The following TAB2 variants were observed in gnomAD, a reference collection of about 807,000 sequenced individuals.
TAB2 encodes TGF-beta-activated kinase 1 and MAP3K7-binding protein 2.
Under a neutral mutation model 65.0 loss-of-function variants are expected in TAB2, and 3 were observed. That is an observed-to-expected ratio of 0.05 (90% CI 0.02 to 0.12). The LOEUF (loss-of-function observed/expected upper bound fraction) is 0.12. TAB2 is among the 10% of genes least tolerant of loss of function. TAB2 has a pLI of 1.00. For synonymous variants in TAB2, 298 were observed against 285.1 expected, an observed-to-expected ratio of 1.05 and a Z score of -0.46; for missense variants, 623 against 840.3, an observed-to-expected ratio of 0.74 and a Z score of 3.20.
At position 149,310,568 on chromosome 6, in the gene TAB2, AT is replaced by A. The variant is rs1562409056; in HGVS notation, c.-120-67442del. Among the ~76,000 whole-genome samples the A allele has an allele frequency of 2.9e-5, 4 of 140,342 alleles. No individual in the cohort carries two copies. The South Asian group carries it at 6.6e-4, about 23-fold the overall frequency. The allele number at this position is 140,342 out of a possible 152,430, so 92.1% of individuals were successfully genotyped here. A position where few individuals can be genotyped will look rare whatever the true frequency, so the allele number is the denominator to read the frequency against. ...TAATAGGCTGGAAAATAATATATAT[AT>A]TTTTTTTAAAATTGCATTTACATGA... On this transcript the variant is annotated intron_variant, in intron 1 of 1. Transcript: ENST00000606202.
chr6:149,261,471 T>A (rs1778151054), intron 1 of TAB2, among the ~76,000 whole-genome samples: 1 of 152,212 alleles, frequency 6.6e-6, no homozygotes, highest in South Asian at 2.1e-4. Context: ...CGTACTTCAC[T>A]TTATACCAAT....
chr6:149,307,524 T>C (rs1176320526), intron 1 of TAB2, among the ~76,000 whole-genome samples: 1 of 152,220 alleles, frequency 6.6e-6, no homozygotes, highest in East Asian at 1.9e-4. Context: ...CAAGATTTCT[T>C]TTTCTTCAAT....
In TAB2 at chr6:149,287,493, TAA is replaced by T. The variant is rs201156738; in HGVS notation, c.-121+68721_-121+68722del. Among the ~76,000 whole-genome samples the T allele has an allele frequency of 1.6e-3, 243 of 150,780 alleles. 1 individual carries two copies. Among genetic ancestry groups the T allele is most frequent in the African/African-American group, 3.1e-3 (129 of 41,094 alleles). Reference sequence around the variant, plus strand: ...AAACTTTGTTTTCTGTTTTTTTTTTTAAAAAGAAAGTATTAGAAAATTGTGAC... The same window carrying T: ...AAACTTTGTTTTCTGTTTTTTTTTTTAAAGAAAGTATTAGAAAATTGTGAC... On this transcript the variant is annotated intron_variant, in intron 1 of 1. Transcript: ENST00000606202.
intron 1 of TAB2, among the ~76,000 whole-genome samples, chr6:149,280,931 C>CAAAAAA (rs9322172): frequency 1.7e-5 from 2 of 115,076 alleles, no homozygotes; most frequent in Non-Finnish European, 1.8e-5. Flanking sequence ...GACCTCGTCT[C>CAAAAAA]AAAAAAAAAA....
rs763106154 is a variant in TAB2, at chr6:149,379,158, G to T, written c.1243G>T (p.Ala415Ser). The T allele has an allele frequency of 6.2e-7, 1 of 1,614,198 alleles. No homozygotes were observed. Among genetic ancestry groups the T allele is most frequent in the South Asian group, 1.1e-5 (1 of 91,078 alleles). ...PTLFISTNSG[A>S]SAASRNMSGQ... is the part of the protein sequence containing the mutation. ...ACTCTTCATATCCACAAACTCTGGA[G>T]CATCTGCTGCCTCCAGGAACATGTC... The change falls in exon 3 of 7, where the codon GCA (alanine) becomes TCA (serine). Residue 415 changes from alanine to serine, a missense_variant. Ala to Ser is a moderately conservative substitution (Grantham distance 99). Coordinates refer to ENST00000637181, the MANE Select transcript of TAB2 (RefSeq NM_001292034.3).
chr6:149,275,322 T>C (rs556338799), intron 1 of TAB2, among the ~76,000 whole-genome samples: 2 of 136,014 alleles, frequency 1.5e-5, no homozygotes, highest in Non-Finnish European at 3.2e-5. Context: ...AAGAGCACAA[T>C]TATGAGGGAT....
chr6:149,348,611 T>TA (rs1780381539), intron 1 of TAB2, among the ~76,000 whole-genome samples: 1 of 142,852 alleles, frequency 7.0e-6, no homozygotes, highest in East Asian at 2.8e-4. Context: ...ACAGGGCTTA[T>TA]GGGAAAAAAA....
rs532173729 is a variant in TAB2, at chr6:149,305,724, A to G, written c.-120-72294A>G. Among the ~76,000 whole-genome samples the G allele has an allele frequency of 7.9e-5, 12 of 152,358 alleles. No individual in the cohort carries two copies. In the East Asian group the frequency reaches 2.3e-3, roughly 29 times the overall value. On this transcript the variant is annotated intron_variant, in intron 1 of 1. Transcript: ENST00000606202. ...TCACTTTTATTTAAAGAAATGCTAT[A>G]GTAGCTGAAACTGGAGTCTACAAAT...
chr6:149,396,854 A>G (rs994354597), intron 3 of TAB2, among the ~76,000 whole-genome samples: 1 of 152,252 alleles, frequency 6.6e-6, no homozygotes, highest in Non-Finnish European at 1.5e-5. Context: ...TATTTGTTGC[A>G]TACATCAAAA....
intron 6 of TAB2, among the ~76,000 whole-genome samples, chr6:149,408,420 G>A (rs1782737357): frequency 6.6e-6 from 1 of 152,154 alleles, no homozygotes; most frequent in Admixed American, 6.5e-5. Flanking sequence ...GAAAGGTGCT[G>A]CTAAAGGGGT....
chr6:149,380,939 A>G (rs578234904), intron 3 of TAB2, among the ~76,000 whole-genome samples: 1 of 152,272 alleles, frequency 6.6e-6, no homozygotes, highest in African/African-American at 2.4e-5. Context: ...TTCCAGTATC[A>G]TTCATGGAGC....
At chr6:149,220,154 T>C (rs9498258) in intron 1 of TAB2, among the ~76,000 whole-genome samples, 11,396 of 152,276 alleles carry the variant, frequency 0.075, 792 homozygotes, top group African/African-American at 0.18. Flanking sequence ...CCTTCTTTTG[T>C]ATTCAATCTG....
chr6:149,258,511 A>G (rs1167493234), intron 1 of TAB2, among the ~76,000 whole-genome samples: 1 of 152,134 alleles, frequency 6.6e-6, no homozygotes, highest in African/African-American at 2.4e-5. Context: ...CTAAGGGAAG[A>G]AGACTGTTCC....
At chr6:149,247,515 C>G (rs1299469950) in intron 1 of TAB2, 2 of 152,256 alleles carry the variant, frequency 1.3e-5, no homozygotes, top group African/African-American at 2.4e-5. Flanking sequence ...TCAGCCGCTC[C>G]CACAACCCCC....
rs146032196 is a variant in TAB2, at chr6:149,256,274, A to G, written c.-121+37498A>G. On this transcript the variant is annotated intron_variant, in intron 1 of 1. Transcript: ENST00000606202. ...AATAACACAGTAATTCTGTTGTACTACTAGAGGGCATTGGAGTAAAGGAAA... is the reference window on the plus strand; with the variant it reads ...AATAACACAGTAATTCTGTTGTACTGCTAGAGGGCATTGGAGTAAAGGAAA... Among the ~76,000 whole-genome samples, 487 of 152,340 alleles carry G rather than the reference A, an allele frequency of 3.2e-3. 4 individuals are homozygous for G. The highest frequency in any genetic ancestry group is 0.01 in the African/African-American group (422 of 41,578).
chr6:149,287,103 C>A (rs1778690159), intron 1 of TAB2, among the ~76,000 whole-genome samples: 1 of 152,010 alleles, frequency 6.6e-6, no homozygotes, highest in Non-Finnish European at 1.5e-5. Context: ...AGTGACAGAG[C>A]AAGACTCCAT....
At chr6:149,330,034 A>G (rs535435060) in intron 1 of TAB2, among the ~76,000 whole-genome samples, 1 of 152,084 alleles carries the variant, frequency 6.6e-6, no homozygotes, top group South Asian at 2.1e-4. Context: ...CTCTATCACT[A>G]TAATTGTCAC....
chr6:149,318,368 G>C (rs1779326869), intron 1 of TAB2, among the ~76,000 whole-genome samples: 1 of 152,000 alleles, frequency 6.6e-6, no homozygotes, highest in Non-Finnish European at 1.5e-5. Context: ...TCCCTGCGTC[G>C]GCGCCCCTGA....
chr6:149,238,480 A>G (rs1777539311), intron 1 of TAB2, among the ~76,000 whole-genome samples: 1 of 152,134 alleles, frequency 6.6e-6, no homozygotes, highest in African/African-American at 2.4e-5. Context: ...AACTTCCTGC[A>G]ATTAAGACTC....
Sources: gnomAD v4.1 joint callset for allele counts (sites outside exome capture counted in the v4.1 genomes callset) on GRCh38, gnomAD v4.1.1 for gene constraint, MANE v1.5 for transcripts, NCBI Gene and HGNC (gene_info 2026-07-23, HGNC 2026-07-21) for gene names.